NRXN1: variants seen among roughly 807,000 people sequenced by gnomAD.
The protein encoded by NRXN1 is neurexin 1.
NRXN1 carries 39 observed loss-of-function variants against 150.9 expected under a neutral mutation model. The observed-to-expected ratio is 0.26, with a 90% CI of 0.20 to 0.34. The LOEUF is 0.34. Among genes scored for constraint, NRXN1 ranks in the 10% least tolerant of loss-of-function variants. The pLI is 1.00. For synonymous variants in NRXN1, 924 were observed against 757.0 expected (o/e 1.22, Z -3.62); for missense variants, 1,815 against 1,949.9 (o/e 0.93, Z 1.30).
chr2:50,729,564 G>A (rs1414765815), intron 5 of NRXN1, among the ~76,000 whole-genome samples: 1 of 152,196 alleles, frequency 6.6e-6, no homozygotes, highest in Non-Finnish European at 1.5e-5. Flanking sequence ...TCTGAGGGTA[G>A]TTGATATGGC....
At chr2:50,296,950 C>CAACT (rs2073656847) in intron 17 of NRXN1, among the ~76,000 whole-genome samples, 1 of 149,822 alleles carries the variant, frequency 6.7e-6, no homozygotes, top group South Asian at 2.1e-4. Flanking sequence ...TGGCACAACC[C>CAACT]TGGCTCACTG....
rs58904379 is a variant in NRXN1 at position 50,859,838 on chromosome 2, T to TTGTG, written c.832+62027_832+62030dup. 3.1e-4 allele frequency among the ~76,000 whole-genome samples: 46 copies of TTGTG among 147,676 alleles called. 1 individual carries two copies. Among genetic ancestry groups the TTGTG allele is most frequent in the African/African-American group, 8.2e-4 (33 of 40,140 alleles). ...ATTATATACACACACACAATTATGT[T>TTGTG]TGTGTGTGTGTGTGTGTGTGTGTGT... On this transcript the variant is annotated intron_variant, in intron 5 of 22. Coordinates refer to ENST00000401669, the MANE Select transcript of NRXN1 (RefSeq NM_001330078.2).
intron 9 of NRXN1, chr2:50,551,387 T>C (rs1005163819): frequency 1.3e-5 from 2 of 152,136 alleles, no homozygotes; most frequent in Admixed American, 6.5e-5. Flanking sequence ...TCTTGATCTA[T>C]AAACAGCAGA....
intron 18 of NRXN1, among the ~76,000 whole-genome samples, chr2:50,221,187 A>G (rs2063858858): frequency 1.3e-5 from 2 of 150,822 alleles, no homozygotes; most frequent in South Asian, 2.1e-4. Context: ...TTGGAAATAA[A>G]CAACAAAGAA....
intron 17 of NRXN1, among the ~76,000 whole-genome samples, chr2:50,364,008 C>T (rs1219091752): frequency 3.3e-5 from 5 of 152,072 alleles, no homozygotes; most frequent in Non-Finnish European, 7.4e-5. Context: ...CTAAACACTG[C>T]ATGTTCTCAC....
At chr2:50,745,212 G>T (rs1185465439) in intron 5 of NRXN1, among the ~76,000 whole-genome samples, 1 of 151,926 alleles carries the variant, frequency 6.6e-6, no homozygotes, top group East Asian at 1.9e-4. Context: ...AATGACTATA[G>T]CTAGAATTAA....
chr2:50,182,864 G>T (rs1559045461), intron 18 of NRXN1, among the ~76,000 whole-genome samples: 2 of 152,038 alleles, frequency 1.3e-5, no homozygotes, highest in Non-Finnish European at 2.9e-5. Flanking sequence ...ATTATTCATT[G>T]TGGAGAAAAA....
At chr2:50,574,720 T>A (rs572054474) in intron 8 of NRXN1, among the ~76,000 whole-genome samples, 4 of 152,312 alleles carry the variant, frequency 2.6e-5, no homozygotes, top group Admixed American at 6.5e-5. Flanking sequence ...TGTCAGGATT[T>A]GCATTGACAA....
chr2:50,632,326 T>G (rs1333045089), intron 5 of NRXN1: 1 of 152,054 alleles, frequency 6.6e-6, no homozygotes, highest in South Asian at 2.1e-4. Flanking sequence ...AATTATAGAA[T>G]GTATTTTTTT....
At chr2:50,852,265 C>G (rs1355634360) in intron 5 of NRXN1, among the ~76,000 whole-genome samples, 1 of 152,086 alleles carries the variant, frequency 6.6e-6, no homozygotes, top group Non-Finnish European at 1.5e-5. Flanking sequence ...GAATGTTATA[C>G]ATGGAGAAAA....
At chr2:50,407,356 A>G (rs1462410464) in intron 17 of NRXN1, among the ~76,000 whole-genome samples, 1 of 152,130 alleles carries the variant, frequency 6.6e-6, no homozygotes, top group African/African-American at 2.4e-5. Flanking sequence ...ACAGCTTCCC[A>G]TAGGCAATGA....
chr2:49,982,676 A>T (rs1471171920), intron 21 of NRXN1, among the ~76,000 whole-genome samples: 4 of 152,174 alleles, frequency 2.6e-5, no homozygotes, highest in Non-Finnish European at 5.9e-5. Flanking sequence ...TAGAATATTC[A>T]TAATTATTCT....
chr2:50,808,713 T>C (rs948130316), intron 5 of NRXN1, among the ~76,000 whole-genome samples: 2 of 152,126 alleles, frequency 1.3e-5, no homozygotes, highest in East Asian at 1.9e-4. Context: ...TAAACCAGTA[T>C]ATAACCTATA....
chr2:50,534,924 T>C (rs1473588639), intron 10 of NRXN1, among the ~76,000 whole-genome samples: 1 of 151,958 alleles, frequency 6.6e-6, no homozygotes, highest in East Asian at 1.9e-4. Flanking sequence ...GAGAAAAAAA[T>C]AATCAGAATC....
At chr2:50,634,029 G>T (rs1172475347) in intron 5 of NRXN1, among the ~76,000 whole-genome samples, 2 of 152,142 alleles carry the variant, frequency 1.3e-5, no homozygotes, top group African/African-American at 4.8e-5. Flanking sequence ...AAAATCCAGT[G>T]AGCATTGAGC....
chr2:49,963,166 T>G (rs1480553331), intron 21 of NRXN1, among the ~76,000 whole-genome samples: 1 of 152,208 alleles, frequency 6.6e-6, no homozygotes, highest in Non-Finnish European at 1.5e-5. Flanking sequence ...CTTATTTATC[T>G]GATAATTCAA....
At chr2:50,090,953 T>G (rs1699477443) in intron 19 of NRXN1, among the ~76,000 whole-genome samples, 1 of 152,178 alleles carries the variant, frequency 6.6e-6, no homozygotes, top group Non-Finnish European at 1.5e-5. Flanking sequence ...AGTGTTATAA[T>G]ATTCTTTCCC....
At chr2:50,752,669 A>G (rs1700731915) in intron 5 of NRXN1, among the ~76,000 whole-genome samples, 1 of 151,764 alleles carries the variant, frequency 6.6e-6, no homozygotes, top group Non-Finnish European at 1.5e-5. Context: ...TGTGTATTCA[A>G]CTGAAAGCCT....
intron 19 of NRXN1, among the ~76,000 whole-genome samples, chr2:50,059,474 A>T (rs192687398): frequency 6.6e-6 from 1 of 152,348 alleles, no homozygotes; most frequent in Admixed American, 6.5e-5. Context: ...TTTCAGCCTG[A>T]CAATGCAATA....
Sources: allele counts gnomAD v4.1 joint callset (sites outside exome capture counted in the v4.1 genomes callset), GRCh38; gene constraint gnomAD v4.1.1; transcripts MANE v1.5; gene names NCBI Gene and HGNC (gene_info 2026-07-23, HGNC 2026-07-21).